Variants in MAST4 observed in about 807,000 individuals in gnomAD.
MAST4 encodes microtubule associated serine/threonine kinase family member 4.
MAST4 carries 89 observed loss-of-function variants against 162.7 expected under a neutral mutation model. The ratio of observed to expected loss-of-function variants is 0.55; its 90% CI spans 0.46 to 0.65. The LOEUF (loss-of-function observed/expected upper bound fraction) is 0.65, where lower values mean the gene tolerates loss of function less well. Among genes scored for constraint, MAST4 ranks in the 30% least tolerant of loss-of-function variants. The probability of loss-of-function intolerance (pLI) is 0.00; values close to 1 mark genes in which losing one functional copy is unlikely to be tolerated. For missense variants in MAST4, 3,153 were observed against 3,374.0 expected (o/e 0.93, Z 1.62); for synonymous variants, 1,479 against 1,361.1 (o/e 1.09, Z -1.91).
chr5:66,818,310 G>A (rs1398445089), intron 3 of MAST4, among the ~76,000 whole-genome samples: 1 of 152,040 alleles, frequency 6.6e-6, no homozygotes, highest in East Asian at 1.9e-4. Flanking sequence ...GCTCATCAGA[G>A]TCTTAGGGAA....
chr5:66,757,300 A>G (rs1753599410), intron 1 of MAST4, among the ~76,000 whole-genome samples: 1 of 152,252 alleles, frequency 6.6e-6, no homozygotes, highest in Non-Finnish European at 1.5e-5. Flanking sequence ...ATAAGTAAGT[A>G]GAATGGACCC....
chr5:66,780,108 T>A (rs1261532917), intron 2 of MAST4, among the ~76,000 whole-genome samples: 6 of 152,168 alleles, frequency 3.9e-5, no homozygotes, highest in African/African-American at 1.4e-4. Flanking sequence ...ATTTAACTAT[T>A]TTTACATGTA....
intron 1 of MAST4, among the ~76,000 whole-genome samples, chr5:66,744,414 C>T (rs541175035): frequency 6.6e-6 from 1 of 152,312 alleles, no homozygotes; most frequent in Non-Finnish European, 1.5e-5. Flanking sequence ...TAATTTTTAG[C>T]ATTTGTCCAG....
At chr5:67,073,727 C>A (rs997032277) in intron 5 of MAST4, among the ~76,000 whole-genome samples, 1 of 152,094 alleles carries the variant, frequency 6.6e-6, no homozygotes, top group Non-Finnish European at 1.5e-5. Flanking sequence ...ACATCACAAA[C>A]CACTGCAAAG....
intron 4 of MAST4, among the ~76,000 whole-genome samples, chr5:67,047,487 C>G (rs981010371): frequency 1.3e-5 from 2 of 152,238 alleles, no homozygotes; most frequent in African/African-American, 4.8e-5. Flanking sequence ...GAGGCCTTTC[C>G]TGACCACCTG....
chr5:66,605,605 G>A (rs1347935733), intron 1 of MAST4, among the ~76,000 whole-genome samples: 7 of 152,150 alleles, frequency 4.6e-5, no homozygotes, highest in Middle Eastern at 3.4e-3. Flanking sequence ...GAATTACTTG[G>A]TTATTTGTTC....
intron 1 of MAST4, among the ~76,000 whole-genome samples, chr5:66,724,640 A>G (rs1165396125): frequency 3.3e-5 from 5 of 152,128 alleles, no homozygotes; most frequent in East Asian, 1.9e-4. Flanking sequence ...TACCTAGGCT[A>G]TATGGTATAG....
chr5:66,944,511 T>G (rs1028755796), intron 4 of MAST4, among the ~76,000 whole-genome samples: 8 of 152,160 alleles, frequency 5.3e-5, no homozygotes, highest in Admixed American at 2.0e-4. Flanking sequence ...ACAACATTTA[T>G]AAAGCATCTA....
intron 2 of MAST4, among the ~76,000 whole-genome samples, chr5:66,776,588 T>TTCATCTGTAAAG (rs1754611787): frequency 6.6e-6 from 1 of 152,158 alleles, no homozygotes; most frequent in Non-Finnish European, 1.5e-5. Flanking sequence ...AAACAAACAC[T>TTCATCTGTAAAG]TGAGCCAAAC....
intron 1 of MAST4, among the ~76,000 whole-genome samples, chr5:66,671,213 C>G (rs1351332658): frequency 1.3e-5 from 2 of 152,140 alleles, no homozygotes; most frequent in African/African-American, 4.8e-5. Context: ...AGAAGTTTGT[C>G]TATTTCTATT....
At chr5:66,862,557 G>A (rs1265853114) in intron 3 of MAST4, among the ~76,000 whole-genome samples, 1 of 152,156 alleles carries the variant, frequency 6.6e-6, no homozygotes, top group East Asian at 1.9e-4. Context: ...TTGACCGATG[G>A]ATATAATATA....
intron 1 of MAST4, among the ~76,000 whole-genome samples, chr5:66,628,236 G>A (rs72759186): frequency 0.026 from 3,977 of 151,856 alleles, 74 homozygotes; most frequent in Non-Finnish European, 0.042. Flanking sequence ...ATTTCCGTAT[G>A]TTGCCTAGGC....
At chr5:66,815,327 T>C (rs1756665572) in intron 3 of MAST4, among the ~76,000 whole-genome samples, 2 of 152,224 alleles carry the variant, frequency 1.3e-5, no homozygotes. Context: ...GGCTTGACTT[T>C]CTGTGGTTTA....
intron 1 of MAST4, among the ~76,000 whole-genome samples, chr5:66,606,912 A>G (rs1742925550): frequency 6.6e-6 from 1 of 152,152 alleles, no homozygotes; most frequent in Non-Finnish European, 1.5e-5. Context: ...AAATGAGTAT[A>G]TGAATTTACT....
intron 1 of MAST4, among the ~76,000 whole-genome samples, chr5:66,730,629 A>C (rs1001840652): frequency 2.0e-5 from 3 of 152,248 alleles, no homozygotes; most frequent in Non-Finnish European, 2.9e-5. Flanking sequence ...CATTTTCCTC[A>C]AATTAATCTG....
chr5:66,997,468 A>G (rs369287112), intron 4 of MAST4, among the ~76,000 whole-genome samples: 2 of 132,412 alleles, frequency 1.5e-5, no homozygotes, highest in South Asian at 2.3e-4. Flanking sequence ...GTTTCACTCT[A>G]TTGCCCAGGC....
chr5:66,878,352 T>G (rs912211667), intron 3 of MAST4, among the ~76,000 whole-genome samples: 3 of 152,262 alleles, frequency 2.0e-5, no homozygotes, highest in Non-Finnish European at 4.4e-5. Context: ...TGGCCAATTC[T>G]GTGTCCAGAA....
chr5:66,915,909 AT>A (rs1764088589), intron 4 of MAST4, among the ~76,000 whole-genome samples: 1 of 152,182 alleles, frequency 6.6e-6, no homozygotes, highest in African/African-American at 2.4e-5. Flanking sequence ...CGATTGGACC[AT>A]TTTAAATTAT....
At chr5:66,747,478 T>A (rs1752840379) in intron 1 of MAST4, among the ~76,000 whole-genome samples, 1 of 152,212 alleles carries the variant, frequency 6.6e-6, no homozygotes, top group Non-Finnish European at 1.5e-5. Flanking sequence ...ATATGGACAT[T>A]CATTGAGAAA....
Sources: allele counts gnomAD v4.1 joint callset (sites outside exome capture counted in the v4.1 genomes callset), GRCh38; gene constraint gnomAD v4.1.1; transcripts MANE v1.5; gene names NCBI Gene and HGNC (gene_info 2026-07-23, HGNC 2026-07-21).